AIG1: variants seen among roughly 807,000 people sequenced by gnomAD.
AIG1 encodes androgen induced 1.
AIG1 carries 23 observed loss-of-function variants against 31.4 expected under a neutral mutation model. The observed-to-expected ratio is 0.73, with a 90% confidence interval of 0.53 to 1.04. The LOEUF (loss-of-function observed/expected upper bound fraction) is 1.04. Among genes scored for constraint, AIG1 ranks in the 50% least tolerant of loss-of-function variants. AIG1 has a pLI of 0.00. For synonymous variants in AIG1, 100 were observed against 110.5 expected (o/e 0.90, Z 0.60); for missense variants, 274 against 295.0 (o/e 0.93, Z 0.52).
At chr6:143,135,958 G>A (rs1178466280) in intron 1 of AIG1, among the ~76,000 whole-genome samples, 1 of 152,138 alleles carries the variant, frequency 6.6e-6, no homozygotes, top group Admixed American at 6.5e-5. Context: ...TACATTTTCT[G>A]CCCTTTCCAT....
At chr6:143,201,538 C>T (rs564157479) in intron 3 of AIG1, among the ~76,000 whole-genome samples, 1 of 152,238 alleles carries the variant, frequency 6.6e-6, no homozygotes, top group African/African-American at 2.4e-5. Flanking sequence ...CTCTTTGAGT[C>T]TGACCACACT....
intron 1 of AIG1, among the ~76,000 whole-genome samples, chr6:143,128,669 CAGTTA>C (rs1782913438): frequency 2.0e-5 from 3 of 152,138 alleles, no homozygotes; most frequent in African/African-American, 7.2e-5. Flanking sequence ...ACATTTTTAA[CAGTTA>C]AGTTAATGAA....
At chr6:143,162,584 T>A (rs1306451522) in intron 2 of AIG1, among the ~76,000 whole-genome samples, 2 of 152,180 alleles carry the variant, frequency 1.3e-5, no homozygotes, top group Non-Finnish European at 2.9e-5. Flanking sequence ...TGATGGGTTG[T>A]CACTCTCTTG....
intron 1 of AIG1, among the ~76,000 whole-genome samples, chr6:143,090,332 G>A (rs1779190041): frequency 6.6e-6 from 1 of 151,704 alleles, no homozygotes; most frequent in South Asian, 2.1e-4. Flanking sequence ...CATAGATATA[G>A]TTATATTTTT....
In AIG1 at chr6:143,201,900, C is replaced by T. The variant is rs535077527; in HGVS notation, c.399+36717C>T. Reference sequence around the variant, plus strand: ...TGTAAACCTGATGAGTAGAGCCATCCTTACGTTTTTTCTGTACCTTCTTCC... The same window carrying T: ...TGTAAACCTGATGAGTAGAGCCATCTTTACGTTTTTTCTGTACCTTCTTCC... On this transcript the variant is annotated intron_variant, in intron 3 of 5. Transcript: ENST00000357847. Among the ~76,000 whole-genome samples, 3 of 152,278 alleles carry T rather than the reference C, an allele frequency of 2.0e-5. No individual in the cohort carries two copies. The South Asian group carries it at 6.2e-4, about 32-fold the overall frequency.
chr6:143,170,186 G>T (rs1787355896), intron 3 of AIG1, among the ~76,000 whole-genome samples: 1 of 151,990 alleles, frequency 6.6e-6, no homozygotes, highest in African/African-American at 2.4e-5. Context: ...TTGTAAGTTT[G>T]GTACAATCTA....
chr6:143,304,117 G>A (rs1201740248), intron 4 of AIG1, among the ~76,000 whole-genome samples: 2 of 151,700 alleles, frequency 1.3e-5, no homozygotes, highest in Non-Finnish European at 2.9e-5. Flanking sequence ...AGCTTAAGGA[G>A]ATTTTGGGCT....
At position 143,209,656 on chromosome 6, in the gene AIG1, C is replaced by T. The variant is rs567854072; in HGVS notation, c.399+44473C>T. 1.3e-3 allele frequency among the ~76,000 whole-genome samples: 199 copies of T among 152,268 alleles called. 1 individual carries two copies. Among genetic ancestry groups the T allele is most frequent in the African/African-American group, 4.6e-3 (192 of 41,562 alleles). ...GCTTCCAGAAGGAGCAGAGCCCTGA[C>T]GGCTCCCTTGTTTTAGCCCAGTGAG... On this transcript the variant is annotated intron_variant, in intron 3 of 5. Transcript: ENST00000357847.
intron 3 of AIG1, among the ~76,000 whole-genome samples, chr6:143,275,022 G>C (rs1035830480): frequency 6.6e-6 from 1 of 152,230 alleles, no homozygotes; most frequent in Non-Finnish European, 1.5e-5. Flanking sequence ...AAACACAGAG[G>C]GATGAAATAA....
chr6:143,137,196 C>T (rs561993048), intron 2 of AIG1, among the ~76,000 whole-genome samples: 4 of 152,322 alleles, frequency 2.6e-5, no homozygotes, highest in Admixed American at 1.3e-4. Context: ...CAGTTGTCCA[C>T]AGGGTTCGTT....
chr6:143,326,804 C>T lies in AIG1; in HGVS notation c.516-6478C>T, dbSNP rs1037309436. On this transcript the variant is annotated intron_variant, in intron 4 of 5. Coordinates refer to ENST00000357847, the MANE Select transcript of AIG1 (RefSeq NM_016108.4). This position sits in a 1 kb window ranked among gnomAD's most constrained non-coding sequence, Gnocchi z 4.5. ...AGGCAGAAAGAAGAATATGTGAAAA[C>T]CCACATTGCAGGAGGGAACATGACA... Among the ~76,000 whole-genome samples, 1 of 152,056 alleles carries T rather than the reference C, an allele frequency of 6.6e-6. No individual in the cohort carries two copies. Among genetic ancestry groups the T allele is most frequent in the Non-Finnish European group, 1.5e-5 (1 of 68,018 alleles).
At chr6:143,192,112 G>A in intron 3 of AIG1, among the ~76,000 whole-genome samples, 1 of 152,166 alleles carries the variant, frequency 6.6e-6, no homozygotes, top group Non-Finnish European at 1.5e-5. Context: ...CTTCAGTGCT[G>A]GTGCTGGAGG....
At chr6:143,278,037 T>C (rs1797070183) in intron 3 of AIG1, among the ~76,000 whole-genome samples, 1 of 152,248 alleles carries the variant, frequency 6.6e-6, no homozygotes. Flanking sequence ...CCAAAACTTC[T>C]CTGTAGTTTA....
chr6:143,138,911 A>AG (rs1350513492), intron 2 of AIG1, among the ~76,000 whole-genome samples: 2 of 150,938 alleles, frequency 1.3e-5, no homozygotes, highest in Non-Finnish European at 2.9e-5. Flanking sequence ...AAAAAAAAAA[A>AG]GTAAACATGA....
chr6:143,341,678 T>C (rs897433141), downstream of AIG1, among the ~76,000 whole-genome samples: 9 of 152,184 alleles, frequency 5.9e-5, no homozygotes, highest in Non-Finnish European at 1.0e-4. Context: ...ATCTTGGACT[T>C]CTAGCCACCA....
chr6:143,090,531 C>A (rs1779208380), intron 1 of AIG1, among the ~76,000 whole-genome samples: 1 of 152,086 alleles, frequency 6.6e-6, no homozygotes, highest in Admixed American at 6.6e-5. Flanking sequence ...CAGACCACAG[C>A]AGTAAAGTGA....
intron 3 of AIG1, among the ~76,000 whole-genome samples, chr6:143,269,091 CCTAGATCACA>C (rs1176933972): frequency 6.6e-6 from 1 of 152,226 alleles, no homozygotes; most frequent in East Asian, 1.9e-4. Flanking sequence ...ACCTTCCTTA[CCTAGATCACA>C]CTTTCTTACT....
intron 3 of AIG1, among the ~76,000 whole-genome samples, chr6:143,173,351 CT>C: frequency 6.6e-6 from 1 of 152,240 alleles, no homozygotes; most frequent in East Asian, 1.9e-4. Flanking sequence ...ACGTGAGCTG[CT>C]GCGCCTAGAC....
intron 4 of AIG1, among the ~76,000 whole-genome samples, chr6:143,332,770 A>C (rs1009088641): frequency 6.6e-6 from 1 of 152,208 alleles, no homozygotes; most frequent in Non-Finnish European, 1.5e-5. Context: ...ACATGACCAG[A>C]TTGTTTAACA....
Sources: gnomAD v4.1 joint callset for allele counts (sites outside exome capture counted in the v4.1 genomes callset) on GRCh38, gnomAD v4.1.1 for gene constraint, Gnocchi (gnomAD v3.1) non-coding constraint, MANE v1.5 for transcripts, NCBI Gene and HGNC (gene_info 2026-07-23, HGNC 2026-07-21) for gene names.